The following FGFR1 variants were observed in gnomAD, a reference collection of about 807,000 sequenced individuals.
FGFR1 encodes FGFR1/PLAG1 fusion.
FGFR1 carries 18 observed loss-of-function variants against 93.7 expected under a neutral mutation model. The observed-to-expected ratio is 0.19, with a 90% CI of 0.13 to 0.28. The LOEUF is 0.28. FGFR1 is among the 10% of genes least tolerant of loss of function. The pLI, the probability that FGFR1 is intolerant of heterozygous loss-of-function variation, is 1.00. For synonymous variants in FGFR1, 448 were observed against 429.3 expected, an observed-to-expected ratio of 1.04 and a Z score of -0.54; for missense variants, 731 against 1,080.4, an observed-to-expected ratio of 0.68 and a Z score of 4.53.
chr8:38,415,468 ATTTTTTTTT>A (rs11451619), intron 13 of FGFR1, among the ~76,000 whole-genome samples: 1 of 141,690 alleles, frequency 7.1e-6, no homozygotes, highest in East Asian at 2.1e-4. Flanking sequence ...TAATTTTTTA[ATTTTTTTTT>A]TTTTTTTAAA....
At position 38,417,905 on chromosome 8, in the gene FGFR1, T is replaced by C. The variant is rs572845338; in HGVS notation, c.1517A>G (p.Asn506Ser). 9.9e-6 allele frequency: 16 copies of C among 1,614,192 alleles called. No homozygotes were observed. In the South Asian group the frequency reaches 1.6e-4, roughly 17 times the overall value. Reference sequence around the variant, plus strand: ...CTTCACAGCCACTTTGGTCACACGGTTGGGTTTGTCCTTGTCCAGCCCGAT... The same window carrying C: ...CTTCACAGCCACTTTGGTCACACGGCTGGGTTTGTCCTTGTCCAGCCCGAT... ...EAIGLDKDKP[N>S]RVTKVAVKML... The change falls in exon 11 of 18, where the codon AAC (asparagine) becomes AGC (serine). Residue 506 changes from asparagine to serine, a missense_variant. This residue lies in a region of FGFR1 where 62 missense variants were observed against 99.5 expected (regional missense o/e 0.62). Coordinates refer to ENST00000447712, the MANE Select transcript of FGFR1 (RefSeq NM_023110.3).
intron 1 of FGFR1, 168 bp downstream of exon 1, chr8:38,467,813 G>C: frequency 4.3e-6 from 1 of 232,408 alleles, no homozygotes; most frequent in Non-Finnish European, 8.5e-6. Flanking sequence ...AAGGGGCGCG[G>C]ATCGCCCGGG....
At position 38,429,466 on chromosome 8, in the gene FGFR1, C is replaced by G. The variant is rs1245662206; in HGVS notation, c.358+216G>C. 1.4e-6 allele frequency: 1 copy of G among 702,104 alleles called. No individual in the cohort carries two copies. Among genetic ancestry groups the G allele is most frequent in the East Asian group, 2.7e-5 (1 of 37,084 alleles). The allele number at this position is 702,104 out of a possible 1,614,324, so 43.5% of individuals were successfully genotyped here. A position where few individuals can be genotyped will look rare whatever the true frequency, so the allele number is the denominator to read the frequency against. On this transcript the variant is annotated intron_variant, in intron 3 of 17. Coordinates refer to ENST00000447712, the MANE Select transcript of FGFR1 (RefSeq NM_023110.3). This position sits in a 1 kb window ranked among gnomAD's most constrained non-coding sequence, Gnocchi z 4.4. ...TCACCTCCGAGGTGTGTCCTGGAAG[C>G]CCCAGATCTCCGGCCCTGGGGCCCA...
At chr8:38,458,818 A>C (rs1408097099) in intron 1 of FGFR1, 4 of 221,058 alleles carry the variant, frequency 1.8e-5, no homozygotes, top group Non-Finnish European at 2.7e-5. Flanking sequence ...TCCCTTGCAG[A>C]GAGAAGAAAA....
chr8:38,418,442 C>T (rs1355476917), intron 9 of FGFR1, 69 bp from the exon 10 acceptor site: 2 of 1,533,556 alleles, frequency 1.3e-6, no homozygotes, highest in African/African-American at 2.7e-5. Context: ...CATTCTTAGT[C>T]AGGGCTTCCC....
At position 38,429,438 on chromosome 8, in the gene FGFR1, C is replaced by T; in HGVS notation, c.358+244G>A. ...GGTCTTAACATCCCAAGAGCCCTGG[C>T]AATCACCTCCGAGGTGTGTCCTGGA... On this transcript the variant is annotated intron_variant, in intron 3 of 17. Coordinates refer to ENST00000447712, the MANE Select transcript of FGFR1 (RefSeq NM_023110.3). This position sits in a 1 kb window ranked among gnomAD's most constrained non-coding sequence, Gnocchi z 4.4. 1.4e-6 allele frequency: 1 copy of T among 699,296 alleles called. No homozygotes were observed. Among genetic ancestry groups the T allele is most frequent in the Admixed American group, 2.0e-5 (1 of 49,876 alleles). 43.3% of individuals were successfully genotyped at this position (699,296 alleles called of 1,614,324 possible).
chr8:38,440,258 G>A (rs953580286), intron 2 of FGFR1: 1 of 1,546,622 alleles, frequency 6.5e-7, no homozygotes, highest in African/African-American at 1.4e-5. Flanking sequence ...CCTCTGCAGA[G>A]GTTTTTTTAT....
intron 1 of FGFR1, chr8:38,460,971 C>G (rs560798317): frequency 8.2e-5 from 103 of 1,258,812 alleles, no homozygotes; most frequent in Non-Finnish European, 1.0e-4. Flanking sequence ...TGGTTCCCCC[C>G]GCCCCGTCTC....
At chr8:38,442,941 C>T (rs1184808284) in intron 2 of FGFR1, among the ~76,000 whole-genome samples, 1 of 152,200 alleles carries the variant, frequency 6.6e-6, no homozygotes, top group African/African-American at 2.4e-5. Context: ...GGGTCACCAG[C>T]CTCTCCAGAG....
chr8:38,423,350 C>G, intron 7 of FGFR1: 2 of 536,676 alleles, frequency 3.7e-6, no homozygotes, highest in Non-Finnish European at 6.6e-6. Context: ...CAGAGTCTCA[C>G]TCACTCTGTC....
intron 2 of FGFR1, chr8:38,435,697 A>G (rs1008302246): frequency 6.6e-6 from 1 of 152,202 alleles, no homozygotes; most frequent in Non-Finnish European, 1.5e-5. Context: ...AGCTGCCCTG[A>G]GCTGGCCTTT....
chr8:38,445,065 A>G (rs764046568), intron 2 of FGFR1, among the ~76,000 whole-genome samples: 6 of 152,030 alleles, frequency 3.9e-5, no homozygotes, highest in Non-Finnish European at 8.8e-5. Context: ...AGGCTGACTG[A>G]CCCTGTCCCA....
At position 38,413,184 on chromosome 8, in the gene FGFR1, C is replaced by T; in HGVS notation, c.*444G>A. ...TCACCTTCAATCGAGGCACGAAGCACTGACCTCCCTACTGCTGTAGCCCTG... is the reference window on the plus strand; with the variant it reads ...TCACCTTCAATCGAGGCACGAAGCATTGACCTCCCTACTGCTGTAGCCCTG... On this transcript the variant is annotated 3_prime_UTR_variant, in exon 18 of 18. Coordinates refer to ENST00000447712, the MANE Select transcript of FGFR1 (RefSeq NM_023110.3). This position sits in a 1 kb window ranked among gnomAD's most constrained non-coding sequence, Gnocchi z 4.2. The T allele has an allele frequency of 3.9e-6, 1 of 254,640 alleles. No homozygotes were observed. The highest frequency in any genetic ancestry group is 2.2e-5 in the African/African-American group (1 of 46,014). The allele number at this position is 254,640 out of a possible 1,614,324, so 15.8% of individuals were successfully genotyped here.
chr8:38,457,042 C>G (rs886381932), intron 2 of FGFR1, among the ~76,000 whole-genome samples: 2 of 152,192 alleles, frequency 1.3e-5, no homozygotes, highest in East Asian at 3.8e-4. Flanking sequence ...AAGTGTGACA[C>G]TAGGGTCCTC....
rs1821652246 is a variant in FGFR1 at position 38,428,560 on chromosome 8, G to GTGA, written c.359-128_359-126dup. On this transcript the variant is annotated intron_variant, in intron 3 of 17. Transcript: ENST00000447712. ...GGATCCCAGTCCCACTGCTCCCTTA[G>GTGA]TGATGATCTCTTGGTGGGATGGAAA... The GTGA allele has an allele frequency of 5.4e-6, 4 of 742,028 alleles. No homozygotes were observed. In the South Asian group the frequency reaches 6.0e-5, roughly 11 times the overall value. The allele number at this position is 742,028 out of a possible 1,614,324, so 46.0% of individuals were successfully genotyped here.
intron 2 of FGFR1, among the ~76,000 whole-genome samples, chr8:38,443,193 C>A (rs551731340): frequency 3.0e-4 from 45 of 152,114 alleles, no homozygotes; most frequent in African/African-American, 1.1e-3. Context: ...TTTTATGCTA[C>A]AAAACTGTGC....
At position 38,426,272 on chromosome 8, in the gene FGFR1, T is replaced by C. The variant is rs769257767; in HGVS notation, c.622-27A>G. The C allele has an allele frequency of 3.7e-6, 6 of 1,613,616 alleles. No individual in the cohort carries two copies. Among genetic ancestry groups the C allele is most frequent in the South Asian group, 1.1e-5 (1 of 91,070 alleles). On this transcript the variant is annotated intron_variant, in intron 5 of 17. Transcript: ENST00000447712. The surrounding 1 kb of genome is among the most constrained non-coding windows in gnomAD (Gnocchi z 4.1). Reference sequence around the variant, plus strand: ...TGAGGGGAAATGCCAAAGGGATACATTGAGGGTCCAGAGGAAAATGCAGGC... The same window carrying C: ...TGAGGGGAAATGCCAAAGGGATACACTGAGGGTCCAGAGGAAAATGCAGGC...
At chr8:38,443,556 C>A (rs1038672955) in intron 2 of FGFR1, among the ~76,000 whole-genome samples, 5 of 151,522 alleles carry the variant, frequency 3.3e-5, no homozygotes, top group Non-Finnish European at 7.4e-5. Context: ...ACCTGTGGTC[C>A]CAGCTACTTG....
chr8:38,429,293 C>G lies in FGFR1; in HGVS notation c.358+389G>C, dbSNP rs2304000. ...CAGGGATACCACCACCTGTTCAGGG[C>G]CTCTAATCACTAAGCCGAGTACCAA... On this transcript the variant is annotated intron_variant, in intron 3 of 17. Transcript: ENST00000447712. This position sits in a 1 kb window ranked among gnomAD's most constrained non-coding sequence, Gnocchi z 4.4. The G allele has an allele frequency of 0.2, 107,795 of 532,752 alleles. 11,540 individuals carry two copies. Among genetic ancestry groups the G allele is most frequent in the East Asian group, 0.32 (6,166 of 19,452 alleles). 33.0% of individuals were successfully genotyped at this position (532,752 alleles called of 1,614,324 possible).
Sources: allele counts gnomAD v4.1 joint callset (sites outside exome capture counted in the v4.1 genomes callset), GRCh38; gene constraint gnomAD v4.1.1; regional missense constraint gnomAD v4.1.1; non-coding constraint Gnocchi (gnomAD v3.1); transcripts MANE v1.5; gene names NCBI Gene and HGNC (gene_info 2026-07-23, HGNC 2026-07-21).